The following EMC4 variants were observed in gnomAD, a reference collection of about 807,000 sequenced individuals.
The protein encoded by EMC4 is ER membrane protein complex subunit 4.
Under a neutral mutation model 24.2 loss-of-function variants are expected in EMC4, and 9 were observed. That is an observed-to-expected ratio of 0.37 (90% confidence interval 0.22 to 0.65). The LOEUF (loss-of-function observed/expected upper bound fraction) is 0.65. Among genes scored for constraint, EMC4 ranks in the 30% least tolerant of loss-of-function variants. The pLI is 0.59. For missense variants in EMC4, 169 were observed against 234.6 expected (o/e 0.72, Z 1.83); for synonymous variants, 86 against 81.1 (o/e 1.06, Z -0.32).
At chr15:34,226,031 A>G in intron 2 of EMC4, 1 of 349,822 alleles carries the variant, frequency 2.9e-6, no homozygotes, top group South Asian at 2.2e-5. Flanking sequence ...ACCATCCTTC[A>G]TCTAGATTTC....
At chr15:34,229,410 C>A in intron 4 of EMC4, 1 of 208,132 alleles carries the variant, frequency 4.8e-6, no homozygotes, top group Non-Finnish European at 9.6e-6. Context: ...GTCATGTGAT[C>A]ATGGCTCACT....
chr15:34,229,858 T>TC lies in EMC4; in HGVS notation c.*72dup. The TC allele has an allele frequency of 6.9e-7, 1 of 1,439,918 alleles. No individual in the cohort carries two copies. The highest frequency in any genetic ancestry group is 1.1e-5 in the South Asian group (1 of 87,496). The allele number at this position is 1,439,918 out of a possible 1,614,324, so 89.2% of individuals were successfully genotyped here. A position where few individuals can be genotyped will look rare whatever the true frequency, so the allele number is the denominator to read the frequency against. Reference sequence around the variant, plus strand: ...TACATCCTTCTTTAAGCCCAGTGGCTCCTCAGCATACTCTTAAACTAATCA... The same window carrying TC: ...TACATCCTTCTTTAAGCCCAGTGGCTCCCTCAGCATACTCTTAAACTAATCA... On this transcript the variant is annotated 3_prime_UTR_variant, in exon 5 of 5. Transcript: ENST00000267750.
chr15:34,225,544 G>A lies in EMC4; in HGVS notation c.95G>A (p.Ser32Asn). 6.2e-7 allele frequency: 1 copy of A among 1,613,900 alleles called. No homozygotes were observed. The highest frequency in any genetic ancestry group is 1.7e-4 in the Middle Eastern group (1 of 6,056). The change falls in exon 2 of 5, where the codon AGT becomes AAT. Residue 32 changes from serine (S) to asparagine (N), a missense_variant. By Grantham distance (46) the Ser-to-Asn change is conservative (BLOSUM62 1). Transcript: ENST00000267750. ...SGPGGGSRGRSDRGSGQGDSL... is the reference protein window; with the variant it reads ...SGPGGGSRGRNDRGSGQGDSL... Reference sequence around the variant, plus strand: ...TTGGTTTGGTTTTTTAGGGGTCGAAGTGACCGGGGCAGTGGCCAGGGAGAC... The same window carrying A: ...TTGGTTTGGTTTTTTAGGGGTCGAAATGACCGGGGCAGTGGCCAGGGAGAC...
intron 2 of EMC4, 129 bp downstream of exon 2, chr15:34,225,779 T>C (rs1484890438): frequency 1.3e-6 from 1 of 761,636 alleles, no homozygotes. Context: ...TGCTTGAGGC[T>C]GGTATTTCGG....
At position 34,225,614 on chromosome 15, in the gene EMC4, C is replaced by T. The variant is rs1281410985; in HGVS notation, c.165C>T (p.Thr55=). 3.1e-6 allele frequency: 5 copies of T among 1,614,104 alleles called. No individual in the cohort carries two copies. The highest frequency in any genetic ancestry group is 4.2e-6 in the Non-Finnish European group (5 of 1,179,988). ...ACTTGGACAAGCAAGTGCCTGATAC[C>T]AGCGTGCAAGAGACAGACCGGATCC... is the stretch of plus-strand genomic sequence containing the variant. ...VGYLDKQVPD[T]SVQETDRILV... is the part of the protein sequence containing the mutation. Residue 55 remains threonine (T), a synonymous_variant, in exon 2 of 5, where the codon ACC becomes ACT. Coordinates refer to ENST00000267750, the MANE Select transcript of EMC4 (RefSeq NM_016454.4).
At chr15:34,227,998 C>T in intron 3 of EMC4, 152 bp downstream of exon 3, 1 of 718,654 alleles carries the variant, frequency 1.4e-6, no homozygotes, top group South Asian at 1.9e-5. Context: ...GCCTGGCCAA[C>T]ATGGTGAAAC....
At position 34,225,174 on chromosome 15, in the gene EMC4, G is replaced by A. The variant is rs756065447; in HGVS notation, c.60G>A (p.Glu20=). 5 of 1,551,446 alleles carry A rather than the reference G, an allele frequency of 3.2e-6. No homozygotes were observed. The East Asian group carries it at 7.3e-5, about 23-fold the overall frequency. ...GCCGGCGCTTCAAGTGGGCCATTGA[G>A]CTAAGCGGGCCTGGAGGAGGCAGCA... ...NRGRRFKWAI[E]LSGPGGGSRG... is the part of the protein sequence containing the mutation. Residue 20 remains glutamate, a synonymous_variant, in exon 1 of 5, where the codon GAG becomes GAA. Transcript: ENST00000267750.
chr15:34,225,736 A>G (rs1421298166), intron 2 of EMC4, 86 bp downstream of exon 2: 1 of 1,022,248 alleles, frequency 9.8e-7, no homozygotes, highest in Non-Finnish European at 1.5e-6. Flanking sequence ...GTTAACGTAG[A>G]TAGCTCTTAT....
chr15:34,227,580 C>T (rs1890677951), intron 2 of EMC4, 113 bp from the exon 3 acceptor site: 4 of 1,157,250 alleles, frequency 3.5e-6, no homozygotes, highest in Non-Finnish European at 5.0e-6. Context: ...GGAGTCAGCT[C>T]AGTTAGAAGC....
rs1266849753 is a variant in EMC4 at position 34,225,824 on chromosome 15, T to G, written c.201+174T>G. The G allele has an allele frequency of 4.4e-6, 3 of 676,756 alleles. No individual in the cohort carries two copies. The African/African-American group carries it at 5.3e-5, about 12-fold the overall frequency. 41.9% of individuals were successfully genotyped at this position (676,756 alleles called of 1,614,324 possible). On this transcript the variant is annotated intron_variant, in intron 2 of 4. Coordinates refer to ENST00000267750, the MANE Select transcript of EMC4 (RefSeq NM_016454.4). Reference sequence around the variant, plus strand: ...TATCAGCTACAAAAGTGCTTAATAATTTGAAAAATAGAAGATGTTTGGAAC... The same window carrying G: ...TATCAGCTACAAAAGTGCTTAATAAGTTGAAAAATAGAAGATGTTTGGAAC...
At position 34,225,032 on chromosome 15, in the gene EMC4, A is replaced by G. The variant is rs528938909; in HGVS notation, c.-83A>G. On this transcript the variant is annotated 5_prime_UTR_variant, in exon 1 of 5. Transcript: ENST00000267750. ...GCCGGAAGTGCATTTGCAGAGTGAG[A>G]CAAAGCGGAGAACGCTGGTGGGCCT... 4 of 1,176,284 alleles carry G rather than the reference A, an allele frequency of 3.4e-6. No individual in the cohort carries two copies. Among genetic ancestry groups the G allele is most frequent in the South Asian group, 2.6e-5 (2 of 76,448 alleles). The allele number at this position is 1,176,284 out of a possible 1,614,324, so 72.9% of individuals were successfully genotyped here.
chr15:34,227,597 T>G, intron 2 of EMC4, 96 bp from the exon 3 acceptor site: 1 of 1,334,592 alleles, frequency 7.5e-7, no homozygotes, highest in Non-Finnish European at 1.1e-6. Context: ...AAGCAGGGAG[T>G]TGGGAATTCC....
At chr15:34,228,686 CTTTTTTTTTTTT>C (rs71119951) in intron 4 of EMC4, 97 bp downstream of exon 4, 16 of 300,986 alleles carry the variant, frequency 5.3e-5, no homozygotes, top group African/African-American at 1.7e-4. Flanking sequence ...ATTTGAGTTT[CTTTTTTTTTTTT>C]TTTTTTTTTT....
chr15:34,227,981 G>A (rs150576777), intron 3 of EMC4, 135 bp downstream of exon 3: 58,910 of 880,624 alleles, frequency 0.067, 2,243 homozygotes, highest in Middle Eastern at 0.081. Flanking sequence ...GCAGGAGTTC[G>A]AGACCAGCCT....
chr15:34,227,438 C>G (rs953121104), intron 2 of EMC4: 4 of 338,160 alleles, frequency 1.2e-5, no homozygotes, highest in African/African-American at 6.2e-5. Context: ...GATCTTTTTT[C>G]CAAAATCAGG....
In EMC4 at chr15:34,225,082, G is replaced by T. The variant is rs1356355599; in HGVS notation, c.-33G>T. 46 of 1,530,994 alleles carry T rather than the reference G, an allele frequency of 3.0e-5. No homozygotes were observed. The highest frequency in any genetic ancestry group is 4.1e-5 in the Non-Finnish European group (46 of 1,128,246). 94.8% of individuals were successfully genotyped at this position (1,530,994 alleles called of 1,614,324 possible). On this transcript the variant is annotated 5_prime_UTR_variant, in exon 1 of 5. Transcript: ENST00000267750. ...TGTTGTGGAGTACGCTTTGGACTGA[G>T]AAGCATCGAGGCTATAGGACGCAGC...
chr15:34,225,738 A>G (rs1370418973), intron 2 of EMC4, 88 bp downstream of exon 2: 3 of 1,022,864 alleles, frequency 2.9e-6, no homozygotes, highest in African/African-American at 3.1e-5. Context: ...TAACGTAGAT[A>G]GCTCTTATCC....
chr15:34,228,221 G>GT, intron 3 of EMC4: 1 of 566,810 alleles, frequency 1.8e-6, no homozygotes, highest in Non-Finnish European at 3.1e-6. Flanking sequence ...CTTAGGGACA[G>GT]TTTTTGGCTA....
chr15:34,227,648 C>CT, intron 2 of EMC4, 45 bp from the exon 3 acceptor site: 1 of 1,590,772 alleles, frequency 6.3e-7, no homozygotes, highest in Non-Finnish European at 8.6e-7. Flanking sequence ...AAATGTGGGA[C>CT]TAAGGGTAGT....
Sources: allele counts gnomAD v4.1 joint callset, GRCh38; gene constraint gnomAD v4.1.1; transcripts MANE v1.5; gene names NCBI Gene and HGNC (gene_info 2026-07-23, HGNC 2026-07-21).